The following HPSE2 variants were observed in gnomAD, a reference collection of about 807,000 sequenced individuals.
HPSE2 encodes heparanase 2 (inactive), also known as inactive heparanase-2.
A neutral mutation model predicts 60.5 loss-of-function variants in HPSE2; 38 were observed. The ratio of observed to expected loss-of-function variants is 0.63; its 90% confidence interval spans 0.48 to 0.82. The LOEUF is 0.82. HPSE2 is among the 40% of genes least tolerant of loss of function. HPSE2 has a pLI of 0.00. For synonymous variants in HPSE2, 295 were observed against 293.2 expected (o/e 1.01, Z -0.06); for missense variants, 713 against 740.4 (o/e 0.96, Z 0.43).
chr10:98,958,571 G>C (rs1955567446), intron 3 of HPSE2, among the ~76,000 whole-genome samples: 1 of 151,914 alleles, frequency 6.6e-6, no homozygotes, highest in African/African-American at 2.4e-5. Flanking sequence ...AACCTTAAGA[G>C]ACAGGCAGTA....
rs145927366 is a variant in HPSE2, at chr10:99,141,446, T to C, written c.610+2792A>G. The stretch of plus-strand genomic sequence containing the variant: ...ATTATTTCCAGTATCATATAAACCA[T>C]TGACATGAAAACATTAAGACAAGTT... On this transcript the variant is annotated intron_variant, in intron 3 of 11. Transcript: ENST00000370552. Among the ~76,000 whole-genome samples the C allele has an allele frequency of 9.3e-3, 1,422 of 152,306 alleles. 17 individuals are homozygous for C. Among genetic ancestry groups the C allele is most frequent in the Non-Finnish European group, 0.011 (728 of 68,004 alleles).
chr10:98,691,865 C>T (rs1228852672), intron 6 of HPSE2, among the ~76,000 whole-genome samples: 1 of 152,086 alleles, frequency 6.6e-6, no homozygotes, highest in Non-Finnish European at 1.5e-5. Flanking sequence ...TACAATAAGG[C>T]ATATAAAGTT....
intron 3 of HPSE2, among the ~76,000 whole-genome samples, chr10:98,816,430 T>A (rs1471027956): frequency 6.6e-6 from 1 of 152,120 alleles, no homozygotes; most frequent in African/African-American, 2.4e-5. Flanking sequence ...ATTTAAAGTA[T>A]TTTATGGCCC....
the HPSE2 span, among the ~76,000 whole-genome samples, chr10:99,273,297 C>G: frequency 6.6e-6 from 1 of 152,234 alleles, no homozygotes; most frequent in Middle Eastern, 3.4e-3. Flanking sequence ...GGATAAAAGA[C>G]TACACAATGG....
intron 5 of HPSE2, among the ~76,000 whole-genome samples, chr10:98,711,566 T>TTTAACTTCCTTGATC (rs1444133782): frequency 1.3e-5 from 2 of 152,118 alleles, no homozygotes; most frequent in African/African-American, 4.8e-5. Flanking sequence ...GGGTAAGTTG[T>TTTAACTTCCTTGATC]TTAACTTCCT....
intron 9 of HPSE2, among the ~76,000 whole-genome samples, chr10:98,528,771 G>A (rs1217584349): frequency 6.6e-6 from 1 of 152,218 alleles, no homozygotes; most frequent in African/African-American, 2.4e-5. Flanking sequence ...GGGGAGCCAA[G>A]TGATTGGGAA....
intron 3 of HPSE2, among the ~76,000 whole-genome samples, chr10:98,998,457 G>T (rs1345266133): frequency 6.6e-6 from 1 of 152,142 alleles, no homozygotes; most frequent in African/African-American, 2.4e-5. Flanking sequence ...TGTGATTTTG[G>T]CTGGTAGTAT....
chr10:99,087,159 G>A (rs2135588444), intron 3 of HPSE2, among the ~76,000 whole-genome samples: 1 of 152,318 alleles, frequency 6.6e-6, no homozygotes, highest in African/African-American at 2.4e-5. Context: ...TTGCATGTTT[G>A]AAAAATCATG....
At chr10:99,052,705 C>A (rs960715480) in intron 3 of HPSE2, among the ~76,000 whole-genome samples, 1 of 151,770 alleles carries the variant, frequency 6.6e-6, no homozygotes, top group Non-Finnish European at 1.5e-5. Flanking sequence ...AGGAATGATG[C>A]AAAGGAAAAC....
intron 3 of HPSE2, among the ~76,000 whole-genome samples, chr10:99,055,366 A>T (rs930375072): frequency 1.3e-5 from 2 of 152,226 alleles, no homozygotes; most frequent in South Asian, 2.1e-4. Flanking sequence ...GCTTAAAAGC[A>T]GGTTGTAGAA....
chr10:98,806,292 A>G (rs994657272), intron 3 of HPSE2, among the ~76,000 whole-genome samples: 1 of 152,218 alleles, frequency 6.6e-6, no homozygotes, highest in Non-Finnish European at 1.5e-5. Flanking sequence ...AGGAAAATGA[A>G]GTGAATTAAA....
intron 3 of HPSE2, among the ~76,000 whole-genome samples, chr10:99,044,489 CA>C (rs1957811002): frequency 6.6e-6 from 1 of 152,112 alleles, no homozygotes; most frequent in Non-Finnish European, 1.5e-5. Flanking sequence ...ATGGCAGAAT[CA>C]AAATCTCACA....
intron 3 of HPSE2, among the ~76,000 whole-genome samples, chr10:98,919,598 A>G (rs1291178081): frequency 6.6e-6 from 1 of 152,242 alleles, no homozygotes; most frequent in Admixed American, 6.5e-5. Context: ...TATTCAAGAG[A>G]TAAAATTAAC....
At chr10:99,238,615 G>A (rs1356523336), upstream of HPSE2, among the ~76,000 whole-genome samples, 3 of 152,158 alleles carry the variant, frequency 2.0e-5, no homozygotes, top group Non-Finnish European at 4.4e-5. Flanking sequence ...TGATTTGATT[G>A]TTTGGTGCTT....
At chr10:98,888,342 T>C (rs1052089932) in intron 3 of HPSE2, among the ~76,000 whole-genome samples, 15 of 151,800 alleles carry the variant, frequency 9.9e-5, no homozygotes, top group Admixed American at 2.0e-4. Context: ...TATAAAGAAA[T>C]CATCTTTACT....
intron 4 of HPSE2, among the ~76,000 whole-genome samples, chr10:98,729,893 T>C (rs988103191): frequency 2.6e-5 from 4 of 151,972 alleles, no homozygotes; most frequent in African/African-American, 7.3e-5. Context: ...TCAAGAACAA[T>C]TGAAGGAGAC....
chr10:99,057,283 T>C (rs572337750), intron 3 of HPSE2, among the ~76,000 whole-genome samples: 1 of 152,310 alleles, frequency 6.6e-6, no homozygotes, highest in East Asian at 1.9e-4. Flanking sequence ...TAGATTTCAG[T>C]AAGTACCAAG....
chr10:98,536,808 T>C (rs573049835), intron 9 of HPSE2, among the ~76,000 whole-genome samples: 1 of 151,870 alleles, frequency 6.6e-6, no homozygotes, highest in Admixed American at 6.6e-5. Flanking sequence ...TGTAAGAGAG[T>C]TTACTCAGAG....
chr10:99,142,408 T>G (rs776194497), intron 3 of HPSE2, among the ~76,000 whole-genome samples: 27 of 152,214 alleles, frequency 1.8e-4, no homozygotes, highest in Non-Finnish European at 3.5e-4. Flanking sequence ...CCATTGGTGC[T>G]AAACTGAAAT....
Sources: gnomAD v4.1 joint callset for allele counts (sites outside exome capture counted in the v4.1 genomes callset) on GRCh38, gnomAD v4.1.1 for gene constraint, MANE v1.5 for transcripts, NCBI Gene and HGNC (gene_info 2026-07-23, HGNC 2026-07-21) for gene names.